PAFAH1B1: variants seen among roughly 807,000 people sequenced by gnomAD.
PAFAH1B1 encodes the protein platelet-activating factor acetylhydrolase IB subunit beta.
PAFAH1B1 carries 2 observed loss-of-function variants against 57.5 expected under a neutral mutation model. The observed-to-expected ratio is 0.03, with a 90% CI of 0.01 to 0.11. The LOEUF is 0.11. PAFAH1B1 is among the 10% of genes least tolerant of loss of function. The probability of loss-of-function intolerance (pLI) is 1.00; values close to 1 mark genes in which losing one functional copy is unlikely to be tolerated. For missense variants in PAFAH1B1, 257 were observed against 512.0 expected (o/e 0.50, Z 4.81); for synonymous variants, 152 against 169.6 (o/e 0.90, Z 0.81).
At chr17:2,617,495 G>A (rs553890717) in intron 1 of PAFAH1B1, among the ~76,000 whole-genome samples, 9 of 152,320 alleles carry the variant, frequency 5.9e-5, no homozygotes, top group African/African-American at 2.2e-4. Flanking sequence ...CCATCCCTCA[G>A]TGATTTTACC....
chr17:2,680,424 T>C (rs534769569), intron 10 of PAFAH1B1, 104 bp downstream of exon 10: 83 of 1,002,416 alleles, frequency 8.3e-5, no homozygotes, highest in Non-Finnish European at 1.2e-4. Flanking sequence ...ATGACTGTGC[T>C]TTCAGGGCAG....
rs184069166 is a variant in PAFAH1B1, at chr17:2,621,896, A to G, written c.-190-16203A>G. On this transcript the variant is annotated intron_variant, in intron 1 of 10. Coordinates refer to ENST00000397195, the MANE Select transcript of PAFAH1B1 (RefSeq NM_000430.4). Reference sequence around the variant, plus strand: ...CAAAAAGAGGTTTAATTGGACTTACAGTTCCACATGGCTGGGGAGGCTTCA... The same window carrying G: ...CAAAAAGAGGTTTAATTGGACTTACGGTTCCACATGGCTGGGGAGGCTTCA... 1.4e-3 allele frequency among the ~76,000 whole-genome samples: 218 copies of G among 152,324 alleles called. 3 individuals are homozygous for G. Among genetic ancestry groups the G allele is most frequent in the Non-Finnish European group, 2.1e-4 (14 of 68,036 alleles).
At chr17:2,619,977 G>A (rs1430096728) in intron 1 of PAFAH1B1, among the ~76,000 whole-genome samples, 1 of 152,122 alleles carries the variant, frequency 6.6e-6, no homozygotes, top group African/African-American at 2.4e-5. Flanking sequence ...TCTTTGTGGA[G>A]ATGTGGTCTT....
intron 6 of PAFAH1B1, among the ~76,000 whole-genome samples, chr17:2,672,285 C>CA (rs35332619): frequency 0.53 from 36,927 of 69,566 alleles, 13,320 homozygotes; most frequent in East Asian, 0.85. Flanking sequence ...CCTTGCCTCA[C>CA]AAAAAAAAAA....
chr17:2,648,732 G>A (rs1383607983), intron 2 of PAFAH1B1, among the ~76,000 whole-genome samples: 1 of 149,308 alleles, frequency 6.7e-6, no homozygotes, highest in Non-Finnish European at 1.5e-5. Context: ...ATAGAAAATG[G>A]TGTATTTTTA....
chr17:2,594,500 T>C (rs1200139473), intron 1 of PAFAH1B1, among the ~76,000 whole-genome samples: 1 of 152,040 alleles, frequency 6.6e-6, no homozygotes, highest in Non-Finnish European at 1.5e-5. Flanking sequence ...GGGGACCGGC[T>C]CAGCCCCGCG....
chr17:2,652,289 C>T (rs1175356138), intron 2 of PAFAH1B1, among the ~76,000 whole-genome samples: 1 of 152,150 alleles, frequency 6.6e-6, no homozygotes, highest in Non-Finnish European at 1.5e-5. Flanking sequence ...GTGGCGGGTG[C>T]CTGTAGTCCC....
intron 2 of PAFAH1B1, chr17:2,642,087 A>C (rs925291061): frequency 6.6e-6 from 1 of 152,198 alleles, no homozygotes; most frequent in Non-Finnish European, 1.5e-5. Context: ...TTTAGAAATC[A>C]TTAGGCTACA....
intron 1 of PAFAH1B1, 61 bp downstream of exon 1, chr17:2,594,067 A>T (rs1352067032): frequency 2.5e-6 from 1 of 395,606 alleles, no homozygotes; most frequent in Admixed American, 4.4e-5. Context: ...GGGCGGCTGC[A>T]GGCCGGACCC....
At chr17:2,672,847 A>T in intron 7 of PAFAH1B1, 90 bp downstream of exon 7, 3 of 792,896 alleles carry the variant, frequency 3.8e-6, no homozygotes, top group Non-Finnish European at 6.6e-6. Context: ...AGGTGGGCAG[A>T]TCACCTGGTC....
chr17:2,641,543 T>G (rs1172450057), intron 2 of PAFAH1B1: 2 of 152,108 alleles, frequency 1.3e-5, no homozygotes, highest in Admixed American at 6.6e-5. Flanking sequence ...TTTTCATACT[T>G]GAATTGTCCC....
intron 1 of PAFAH1B1, among the ~76,000 whole-genome samples, chr17:2,635,203 T>G (rs1191932384): frequency 6.6e-6 from 1 of 152,026 alleles, no homozygotes; most frequent in Non-Finnish European, 1.5e-5. Context: ...ATTAAACATG[T>G]TATTTAAGAC....
chr17:2,650,362 A>G (rs141732596), intron 2 of PAFAH1B1, among the ~76,000 whole-genome samples: 33 of 152,216 alleles, frequency 2.2e-4, no homozygotes, highest in Non-Finnish European at 4.6e-4. Flanking sequence ...AAATACGAAC[A>G]TTAGCCAGAC....
At position 2,616,313 on chromosome 17, in the gene PAFAH1B1, C is replaced by T. The variant is rs545460449; in HGVS notation, c.-190-21786C>T. ...TGGAGTATGGCAGTATATTAGGTTT[C>T]TCCAGAGAAGCAAGGCCAATAGGGT... On this transcript the variant is annotated intron_variant, in intron 1 of 10. Coordinates refer to ENST00000397195, the MANE Select transcript of PAFAH1B1 (RefSeq NM_000430.4). Among the ~76,000 whole-genome samples, 61 of 152,242 alleles carry T rather than the reference C, an allele frequency of 4.0e-4. 1 individual carries two copies. In the South Asian group the frequency reaches 0.013, roughly 32 times the overall value.
At chr17:2,641,703 A>C (rs531816914) in intron 2 of PAFAH1B1, 1 of 152,274 alleles carries the variant, frequency 6.6e-6, no homozygotes, top group African/African-American at 2.4e-5. Flanking sequence ...TCTTTCTCCA[A>C]CAAGCTTTGG....
intron 1 of PAFAH1B1, chr17:2,609,433 T>C (rs1411175385): frequency 6.6e-6 from 1 of 152,242 alleles, no homozygotes; most frequent in Non-Finnish European, 1.5e-5. Flanking sequence ...ATTGATGATG[T>C]TTCTTTCAAA....
intron 7 of PAFAH1B1, chr17:2,673,529 C>T (rs1567559357): frequency 6.3e-6 from 1 of 157,698 alleles, no homozygotes; most frequent in East Asian, 1.9e-4. Flanking sequence ...GTCCCAGCTA[C>T]TCGGGAGGCT....
intron 1 of PAFAH1B1, among the ~76,000 whole-genome samples, chr17:2,621,368 C>T (rs2068418774): frequency 6.6e-6 from 1 of 152,094 alleles, no homozygotes; most frequent in African/African-American, 2.4e-5. Flanking sequence ...GGATAATGGC[C>T]TCCAGTTCCA....
intron 2 of PAFAH1B1, among the ~76,000 whole-genome samples, chr17:2,648,649 T>C (rs911764368): frequency 6.9e-6 from 1 of 145,318 alleles, no homozygotes; most frequent in Non-Finnish European, 1.5e-5. Context: ...TTGCACTCCA[T>C]GCTGGGCAAC....
Sources: gnomAD v4.1 joint callset for allele counts (sites outside exome capture counted in the v4.1 genomes callset) on GRCh38, gnomAD v4.1.1 for gene constraint, MANE v1.5 for transcripts, NCBI Gene and HGNC (gene_info 2026-07-23, HGNC 2026-07-21) for gene names.